C8orf34: variants seen among roughly 807,000 people sequenced by gnomAD.
C8orf34 encodes chromosome 8 open reading frame 34.
C8orf34 carries 65 observed loss-of-function variants against 68.3 expected under a neutral mutation model. The observed-to-expected ratio is 0.95, with a 90% CI of 0.78 to 1.17. The LOEUF (loss-of-function observed/expected upper bound fraction) is 1.17, where lower values mean the gene tolerates loss of function less well. C8orf34 is among the 50% of genes most tolerant of loss of function. C8orf34 has a pLI of 0.00. For synonymous variants in C8orf34, 244 were observed against 241.2 expected, an observed-to-expected ratio of 1.01 and a Z score of -0.11; for missense variants, 664 against 655.4, an observed-to-expected ratio of 1.01 and a Z score of -0.14.
chr8:68,693,819 T>G (rs1199523213), intron 8 of C8orf34, among the ~76,000 whole-genome samples: 2 of 152,098 alleles, frequency 1.3e-5, no homozygotes, highest in East Asian at 3.9e-4. Context: ...GGACAGGTTG[T>G]TTAATCCTGC....
chr8:68,615,914 T>C (rs1361824346), intron 7 of C8orf34, among the ~76,000 whole-genome samples: 1 of 151,250 alleles, frequency 6.6e-6, no homozygotes, highest in Non-Finnish European at 1.5e-5. Flanking sequence ...TGAATCCATC[T>C]GGTCCTGGAC....
intron 7 of C8orf34, among the ~76,000 whole-genome samples, chr8:68,636,267 T>TCAA (rs1287104297): frequency 2.0e-5 from 3 of 152,036 alleles, no homozygotes; most frequent in African/African-American, 7.2e-5. Flanking sequence ...AGACTGTGGG[T>TCAA]CAACGTTCTA....
At chr8:68,521,648 A>G in intron 5 of C8orf34, 151 bp from the exon 6 acceptor site, 1 of 613,754 alleles carries the variant, frequency 1.6e-6, no homozygotes, top group East Asian at 2.9e-5. Flanking sequence ...AGAACAAGCT[A>G]TCTAGTAGAG....
chr8:68,536,614 G>T (rs1586340079), intron 7 of C8orf34, among the ~76,000 whole-genome samples: 2 of 151,830 alleles, frequency 1.3e-5, no homozygotes, highest in South Asian at 2.1e-4. Context: ...AGTATTATTT[G>T]AAAGATATAA....
At chr8:68,373,574 C>G (rs1010938020) in intron 1 of C8orf34, among the ~76,000 whole-genome samples, 3 of 152,134 alleles carry the variant, frequency 2.0e-5, no homozygotes, top group African/African-American at 4.8e-5. Context: ...ATGCTGTAGC[C>G]AAGAGTTCTG....
chr8:68,420,788 T>C (rs546021766), intron 1 of C8orf34, among the ~76,000 whole-genome samples: 6 of 151,848 alleles, frequency 4.0e-5, no homozygotes, highest in Non-Finnish European at 8.8e-5. Context: ...AATAGCAGGA[T>C]TAAACATAGC....
intron 8 of C8orf34, among the ~76,000 whole-genome samples, chr8:68,688,476 T>A (rs974994094): frequency 2.0e-5 from 3 of 152,122 alleles, no homozygotes; most frequent in African/African-American, 7.2e-5. Flanking sequence ...ACTGGGTATA[T>A]ACCCAAAGGA....
chr8:68,478,846 T>G (rs113119979), intron 4 of C8orf34, among the ~76,000 whole-genome samples: 1 of 152,166 alleles, frequency 6.6e-6, no homozygotes, highest in Non-Finnish European at 1.5e-5. Context: ...TTTGCCAACG[T>G]ATAAGGATTA....
At chr8:68,442,131 G>A (rs1810934643) in intron 2 of C8orf34, among the ~76,000 whole-genome samples, 1 of 152,082 alleles carries the variant, frequency 6.6e-6, no homozygotes, top group Non-Finnish European at 1.5e-5. Flanking sequence ...GATGACTTCA[G>A]GTGCCCTAAA....
chr8:68,475,097 T>C (rs1413497909), intron 4 of C8orf34, among the ~76,000 whole-genome samples: 2 of 152,054 alleles, frequency 1.3e-5, no homozygotes, highest in Admixed American at 1.3e-4. Flanking sequence ...TCCCTCGAGG[T>C]TCCCCCTTTC....
chr8:68,588,663 G>A (rs1192534923), intron 7 of C8orf34, among the ~76,000 whole-genome samples: 1 of 152,002 alleles, frequency 6.6e-6, no homozygotes, highest in Non-Finnish European at 1.5e-5. Flanking sequence ...TGGTCATTAG[G>A]GTCATTAGAT....
intron 7 of C8orf34, among the ~76,000 whole-genome samples, chr8:68,561,962 G>A (rs145642585): frequency 1.4e-3 from 218 of 152,138 alleles, no homozygotes; most frequent in African/African-American, 5.1e-3. Context: ...ATCCCACCTT[G>A]GGGCTATTTT....
intron 1 of C8orf34, among the ~76,000 whole-genome samples, chr8:68,402,097 G>T (rs780234490): frequency 7.9e-5 from 12 of 152,170 alleles, no homozygotes; most frequent in Non-Finnish European, 1.3e-4. Flanking sequence ...CTTGTTATTG[G>T]ACTATTCAGG....
chr8:68,487,442 T>C (rs1044984548), intron 4 of C8orf34, among the ~76,000 whole-genome samples: 6 of 134,278 alleles, frequency 4.5e-5, no homozygotes, highest in African/African-American at 1.4e-4. Flanking sequence ...ATTATACTGA[T>C]GTGCAGTGAG....
intron 1 of C8orf34, among the ~76,000 whole-genome samples, chr8:68,408,780 T>C (rs1445376181): frequency 2.0e-5 from 3 of 150,852 alleles, no homozygotes; most frequent in Admixed American, 6.6e-5. Flanking sequence ...CAGTCTTTTG[T>C]TTGTTTTTTG....
chr8:68,513,877 A>G lies in C8orf34; in HGVS notation c.766-7922A>G, dbSNP rs546533434. On this transcript the variant is annotated intron_variant, in intron 5 of 13. Transcript: ENST00000518698. The stretch of plus-strand genomic sequence containing the variant: ...GTCCCAGAAAAGGAAGGAAAAGGCC[A>G]TGAAAAAGCCCGGGAGTGATGAGGG... Among the ~76,000 whole-genome samples the G allele has an allele frequency of 4.6e-5, 7 of 152,198 alleles. No homozygotes were observed. The South Asian group carries it at 1.5e-3, about 32-fold the overall frequency.
chr8:68,726,544 G>A (rs1013384815), intron 10 of C8orf34, among the ~76,000 whole-genome samples: 6 of 152,204 alleles, frequency 3.9e-5, no homozygotes, highest in African/African-American at 1.4e-4. Flanking sequence ...TGCTGAGCTA[G>A]ATTGGAGGTA....
rs34192587 is a variant in C8orf34 at position 68,815,353 on chromosome 8, C to CATAT, written c.1550-523_1550-520dup. Among the ~76,000 whole-genome samples, 40 of 151,392 alleles carry CATAT rather than the reference C, an allele frequency of 2.6e-4. 1 individual carries two copies. The East Asian group carries it at 5.5e-3, about 21-fold the overall frequency. ...GTGTGTGCATATATATGGGTACACA[C>CATAT]ATATATATATATACACATATACACA... On this transcript the variant is annotated intron_variant, in intron 12 of 13. Transcript: ENST00000518698.
rs991311840 is a variant in C8orf34 at position 68,749,130 on chromosome 8, C to T, written c.1405-27269C>T. Among the ~76,000 whole-genome samples the T allele has an allele frequency of 1.7e-4, 26 of 151,750 alleles. 1 individual carries two copies. Among genetic ancestry groups the T allele is most frequent in the Middle Eastern group, 6.8e-3 (2 of 294 alleles). On this transcript the variant is annotated intron_variant, in intron 10 of 13. Transcript: ENST00000518698. ...GAAATCATCATTCTCAGTAAACTAT[C>T]GCAAGAACAAAAAACCAAACACCGC...
Sources: gnomAD v4.1 joint callset for allele counts (sites outside exome capture counted in the v4.1 genomes callset) on GRCh38, gnomAD v4.1.1 for gene constraint, MANE v1.5 for transcripts, NCBI Gene and HGNC (gene_info 2026-07-23, HGNC 2026-07-21) for gene names.